Variants in ERG observed in about 807,000 individuals in gnomAD.
ERG encodes transcriptional regulator ERG.
ERG carries 9 observed loss-of-function variants against 55.3 expected under a neutral mutation model. That is an observed-to-expected ratio of 0.16 (90% CI 0.10 to 0.28). The LOEUF (loss-of-function observed/expected upper bound fraction) is 0.28, where lower values mean the gene tolerates loss of function less well. Ranked by LOEUF, ERG falls within the 10% of genes least tolerant of loss-of-function variation. The pLI is 1.00. For synonymous variants in ERG, 223 were observed against 237.3 expected (o/e 0.94, Z 0.55); for missense variants, 434 against 631.6 (o/e 0.69, Z 3.35).
intron 2 of ERG, among the ~76,000 whole-genome samples, chr21:38,521,761 A>G (rs1434430712): frequency 2.0e-5 from 3 of 152,228 alleles, no homozygotes; most frequent in Non-Finnish European, 4.4e-5. Context: ...GACAGGAACT[A>G]TACTACTTGC....
chr21:38,434,742 A>G (rs1990374676), intron 2 of ERG, among the ~76,000 whole-genome samples: 1 of 152,182 alleles, frequency 6.6e-6, no homozygotes, highest in Admixed American at 6.5e-5. Flanking sequence ...TGCTGTGAGG[A>G]CATCCCTGAG....
chr21:38,613,886 G>C (rs1469835470), intron 1 of ERG, among the ~76,000 whole-genome samples: 1 of 152,154 alleles, frequency 6.6e-6, no homozygotes, highest in Non-Finnish European at 1.5e-5. Flanking sequence ...CCCAGGTCCT[G>C]CTGACCAAGC....
chr21:38,397,079 G>A (rs947231189), intron 6 of ERG, among the ~76,000 whole-genome samples: 1 of 152,112 alleles, frequency 6.6e-6, no homozygotes, highest in Non-Finnish European at 1.5e-5. Context: ...GAAAATACTA[G>A]GTACGGGCAT....
the ERG span, among the ~76,000 whole-genome samples, chr21:38,371,900 T>A: frequency 6.6e-6 from 1 of 152,100 alleles, no homozygotes; most frequent in African/African-American, 2.4e-5. Flanking sequence ...TTCTTTTTTA[T>A]ATTCTCCACC....
chr21:38,511,608 C>T (rs1257472381), intron 2 of ERG, among the ~76,000 whole-genome samples: 1 of 152,198 alleles, frequency 6.6e-6, no homozygotes, highest in African/African-American at 2.4e-5. Context: ...TGAAAATTCA[C>T]CGTAATACTT....
At chr21:38,449,021 C>G (rs1165371008) in intron 1 of ERG, 1 of 152,238 alleles carries the variant, frequency 6.6e-6, no homozygotes, top group Non-Finnish European at 1.5e-5. Context: ...TACCTACTTA[C>G]CTGCCTGCCT....
chr21:38,440,181 A>G lies in ERG; in HGVS notation c.236+5223T>C, dbSNP rs566438496. On this transcript the variant is annotated intron_variant, in intron 2 of 9. Transcript: ENST00000288319. ...CATTATGCATAAGCTAAGAGGAGGG[A>G]CAATTAGAAGAAGCTATTGGGCCAG... Among the ~76,000 whole-genome samples the G allele has an allele frequency of 2.0e-5, 3 of 152,328 alleles. No homozygotes were observed. The South Asian group carries it at 6.2e-4, about 32-fold the overall frequency.
intron 1 of ERG, among the ~76,000 whole-genome samples, chr21:38,492,817 A>C (rs1192264085): frequency 6.6e-6 from 1 of 152,210 alleles, no homozygotes; most frequent in African/African-American, 2.4e-5. Context: ...TAAAAGTATA[A>C]ATAAGAAAAA....
intron 1 of ERG, among the ~76,000 whole-genome samples, chr21:38,604,707 CCTGT>C (rs1208511641): frequency 2.0e-5 from 3 of 152,138 alleles, no homozygotes; most frequent in Non-Finnish European, 4.4e-5. Flanking sequence ...CTGATTGTGT[CCTGT>C]CTAAGTACGA....
chr21:38,530,482 T>C (rs540242981), intron 2 of ERG, among the ~76,000 whole-genome samples: 5 of 152,280 alleles, frequency 3.3e-5, no homozygotes, highest in South Asian at 4.1e-4. Flanking sequence ...TCTAAGACCA[T>C]TGGGTGAACT....
At chr21:38,387,457 T>G (rs1055634711) in intron 9 of ERG, among the ~76,000 whole-genome samples, 4 of 152,200 alleles carry the variant, frequency 2.6e-5, no homozygotes, top group Admixed American at 1.3e-4. Flanking sequence ...TTGCCACTGC[T>G]TCAGCTGAAT....
chr21:38,568,236 T>C (rs1385310590), intron 2 of ERG, among the ~76,000 whole-genome samples: 7 of 147,002 alleles, frequency 4.8e-5, no homozygotes, highest in Non-Finnish European at 7.5e-5. Flanking sequence ...ATTAATAATA[T>C]GCTATATTGT....
At chr21:38,651,706 T>G (rs572992371) in intron 1 of ERG, among the ~76,000 whole-genome samples, 9 of 152,226 alleles carry the variant, frequency 5.9e-5, no homozygotes, top group Non-Finnish European at 1.0e-4. Context: ...GCCAGGACCT[T>G]ACACGGACTC....
rs541169769 is a variant in ERG, at chr21:38,487,955, C to T, written c.18+10408G>A. Among the ~76,000 whole-genome samples, 7 of 152,168 alleles carry T rather than the reference C, an allele frequency of 4.6e-5. No individual in the cohort carries two copies. The East Asian group carries it at 5.8e-4, about 13-fold the overall frequency. ...GTGGATAAAATCACTAGAATATATT[C>T]GTGCAATAACATCTACGTGAGACAT... On this transcript the variant is annotated intron_variant, in intron 1 of 9. Coordinates refer to ENST00000288319, the MANE Select transcript of ERG (RefSeq NM_182918.4).
At chr21:38,617,123 G>A (rs187242157) in intron 1 of ERG, among the ~76,000 whole-genome samples, 11 of 152,252 alleles carry the variant, frequency 7.2e-5, no homozygotes, top group East Asian at 3.9e-4. Flanking sequence ...ATAATAATGC[G>A]GCTGTGTCTT....
intron 2 of ERG, among the ~76,000 whole-genome samples, chr21:38,504,842 T>A (rs2059448474): frequency 6.6e-6 from 1 of 152,250 alleles, no homozygotes; most frequent in African/African-American, 2.4e-5. Context: ...AATGATTTTT[T>A]AAGAAGTGTG....
At chr21:38,586,510 C>T (rs1018050721), upstream of ERG, among the ~76,000 whole-genome samples, 4 of 151,960 alleles carry the variant, frequency 2.6e-5, no homozygotes, top group African/African-American at 7.3e-5. Context: ...AAATGCAAAT[C>T]GAAATCATGA....
intron 1 of ERG, among the ~76,000 whole-genome samples, chr21:38,469,161 C>G (rs2059118751): frequency 6.6e-6 from 1 of 151,804 alleles, no homozygotes; most frequent in South Asian, 2.1e-4. Flanking sequence ...TGGTTTCAGT[C>G]AGAGAATCCA....
At chr21:38,388,992 A>G (rs570675512) in intron 9 of ERG, among the ~76,000 whole-genome samples, 1 of 152,344 alleles carries the variant, frequency 6.6e-6, no homozygotes, top group South Asian at 2.1e-4. Flanking sequence ...CATTTGGCCA[A>G]TGTGTGAGTG....
Sources: gnomAD v4.1 joint callset for allele counts (sites outside exome capture counted in the v4.1 genomes callset) on GRCh38, gnomAD v4.1.1 for gene constraint, MANE v1.5 for transcripts, NCBI Gene and HGNC (gene_info 2026-07-23, HGNC 2026-07-21) for gene names.